Variants in BCL2 observed in about 807,000 individuals in gnomAD.
BCL2 encodes apoptosis regulator Bcl-2.
Under a neutral mutation model 14.2 loss-of-function variants are expected in BCL2, and 1 was observed. The ratio of observed to expected loss-of-function variants is 0.07; its 90% CI spans 0.02 to 0.33. The LOEUF (loss-of-function observed/expected upper bound fraction) is 0.33. BCL2 is among the 10% of genes least tolerant of loss of function. The pLI is 0.99. For synonymous variants in BCL2, 151 were observed against 137.2 expected, an observed-to-expected ratio of 1.10 and a Z score of -0.70; for missense variants, 247 against 305.9, an observed-to-expected ratio of 0.81 and a Z score of 1.44.
intron 2 of BCL2, among the ~76,000 whole-genome samples, chr18:63,218,865 T>G (rs1910301937): frequency 7.3e-6 from 1 of 137,636 alleles, no homozygotes; most frequent in Admixed American, 7.7e-5. Flanking sequence ...TCTCTCCACC[T>G]TGGCCCTTCC....
intron 2 of BCL2, among the ~76,000 whole-genome samples, chr18:63,155,784 G>A (rs1375876446): frequency 2.0e-5 from 3 of 152,202 alleles, no homozygotes; most frequent in Non-Finnish European, 4.4e-5. Context: ...TGCAGATCTT[G>A]CCCCGAGCTC....
chr18:63,310,222 G>C (rs1428969327), intron 2 of BCL2, among the ~76,000 whole-genome samples: 2 of 152,172 alleles, frequency 1.3e-5, no homozygotes, highest in Non-Finnish European at 2.9e-5. Context: ...CCCAAAGATA[G>C]GGAGGGCTGT....
intron 2 of BCL2, among the ~76,000 whole-genome samples, chr18:63,181,837 A>G (rs1476296026): frequency 6.6e-6 from 1 of 152,198 alleles, no homozygotes; most frequent in Non-Finnish European, 1.5e-5. Flanking sequence ...GTCTGATGGG[A>G]AGGGCAGATG....
intron 2 of BCL2, among the ~76,000 whole-genome samples, chr18:63,296,668 C>T (rs920085910): frequency 2.6e-5 from 4 of 152,280 alleles, no homozygotes; most frequent in East Asian, 3.9e-4. Context: ...TGACCTCTTA[C>T]ACTTCAGTAT....
At chr18:63,259,726 C>T (rs1468331383) in intron 2 of BCL2, among the ~76,000 whole-genome samples, 1 of 152,188 alleles carries the variant, frequency 6.6e-6, no homozygotes, top group Non-Finnish European at 1.5e-5. Context: ...AAGGTCACCT[C>T]GGAATGGACT....
rs1909567928 is a variant in BCL2 at position 63,198,818 on chromosome 18, G to GACACAGAGACACACAGACAC, written c.586-70060_586-70059insGTGTCTGTGTGTCTCTGTGT. On this transcript the variant is annotated intron_variant, in intron 2 of 2. Coordinates refer to ENST00000333681, the MANE Select transcript of BCL2 (RefSeq NM_000633.3). ...ACACACACTGACACAGAGACACACA[G>GACACAGAGACACACAGACAC]ACACACAGACATACACAGACACACA... Among the ~76,000 whole-genome samples, 31 of 109,368 alleles carry GACACAGAGACACACAGACAC rather than the reference G, an allele frequency of 2.8e-4. 1 individual carries two copies. The highest frequency in any genetic ancestry group is 1.1e-3 in the African/African-American group (28 of 26,102). 71.7% of individuals were successfully genotyped at this position (109,368 alleles called of 152,430 possible).
chr18:63,273,794 G>A (rs1285132746), intron 2 of BCL2, among the ~76,000 whole-genome samples: 5 of 152,120 alleles, frequency 3.3e-5, no homozygotes, highest in Non-Finnish European at 4.4e-5. Flanking sequence ...TCTATACTGC[G>A]TTGTCTGAAC....
intron 2 of BCL2, among the ~76,000 whole-genome samples, chr18:63,242,556 T>A (rs1008704480): frequency 6.6e-6 from 1 of 152,134 alleles, no homozygotes; most frequent in African/African-American, 2.4e-5. Context: ...TGCCCAACTA[T>A]CCTGAGTTCC....
chr18:63,266,648 C>CAT (rs1911838071), intron 2 of BCL2, among the ~76,000 whole-genome samples: 1 of 151,584 alleles, frequency 6.6e-6, no homozygotes, highest in African/African-American at 2.4e-5. Flanking sequence ...CACACACACA[C>CAT]ACACACACAA....
At chr18:63,247,046 G>C (rs988396581) in intron 2 of BCL2, among the ~76,000 whole-genome samples, 1 of 152,120 alleles carries the variant, frequency 6.6e-6, no homozygotes, top group Non-Finnish European at 1.5e-5. Flanking sequence ...AAGTGCTATG[G>C]GGAATCCCAA....
intron 2 of BCL2, among the ~76,000 whole-genome samples, chr18:63,150,948 C>A (rs539588266): frequency 1.3e-5 from 2 of 152,028 alleles, no homozygotes; most frequent in Non-Finnish European, 2.9e-5. Flanking sequence ...TACTAAGCTG[C>A]GCCTCCACCA....
At chr18:63,189,962 T>C (rs1040258516) in intron 2 of BCL2, among the ~76,000 whole-genome samples, 4 of 152,176 alleles carry the variant, frequency 2.6e-5, no homozygotes, top group Admixed American at 2.6e-4. Context: ...CTATTGGGTA[T>C]TCCCAGATTA....
chr18:63,265,105 T>A (rs1420688266), intron 2 of BCL2, among the ~76,000 whole-genome samples: 1 of 152,100 alleles, frequency 6.6e-6, no homozygotes, highest in Non-Finnish European at 1.5e-5. Flanking sequence ...GGCCTCTCTG[T>A]CGCCAATCAA....
intron 2 of BCL2, among the ~76,000 whole-genome samples, chr18:63,212,973 T>C (rs1326518715): frequency 6.6e-6 from 1 of 152,262 alleles, no homozygotes; most frequent in African/African-American, 2.4e-5. Context: ...CATAAAGAAA[T>C]TTCAAATTTG....
At chr18:63,153,258 G>A (rs932689294) in intron 2 of BCL2, among the ~76,000 whole-genome samples, 3 of 152,146 alleles carry the variant, frequency 2.0e-5, no homozygotes, top group African/African-American at 7.2e-5. Context: ...ATAAAACAGA[G>A]AAAAATAAAA....
chr18:63,298,365 T>G (rs1166390104), intron 2 of BCL2, among the ~76,000 whole-genome samples: 1 of 152,184 alleles, frequency 6.6e-6, no homozygotes, highest in Non-Finnish European at 1.5e-5. Context: ...TCACCACCCT[T>G]CATTCCAGAA....
intron 2 of BCL2, among the ~76,000 whole-genome samples, chr18:63,258,670 C>T (rs901210505): frequency 1.3e-5 from 2 of 152,264 alleles, no homozygotes; most frequent in Admixed American, 6.5e-5. Flanking sequence ...GATCCCTATA[C>T]ACGGTCTCCG....
intron 2 of BCL2, among the ~76,000 whole-genome samples, chr18:63,195,908 A>G (rs889561984): frequency 3.3e-5 from 5 of 152,250 alleles, no homozygotes; most frequent in Non-Finnish European, 5.9e-5. Flanking sequence ...GCCATGGAAA[A>G]TGTGGTCACC....
intron 2 of BCL2, among the ~76,000 whole-genome samples, chr18:63,260,901 C>A (rs1325104419): frequency 2.6e-5 from 4 of 152,150 alleles, no homozygotes; most frequent in Non-Finnish European, 5.9e-5. Flanking sequence ...AACAGTATTA[C>A]ATAAAACAGC....
Sources: allele counts gnomAD v4.1 joint callset (sites outside exome capture counted in the v4.1 genomes callset), GRCh38; gene constraint gnomAD v4.1.1; transcripts MANE v1.5; gene names NCBI Gene and HGNC (gene_info 2026-07-23, HGNC 2026-07-21).